Variants in TLL1 observed in about 807,000 individuals in gnomAD.
TLL1 encodes tolloid-like protein 1.
A neutral mutation model predicts 128.2 loss-of-function variants in TLL1; 49 were observed. That is an observed-to-expected ratio of 0.38 (90% CI 0.30 to 0.48). TLL1 has a LOEUF of 0.48. Ranked by LOEUF, TLL1 falls within the 20% of genes least tolerant of loss-of-function variation. TLL1 has a pLI of 0.96. For missense variants in TLL1, 1,123 were observed against 1,242.0 expected (o/e 0.90, Z 1.44); for synonymous variants, 454 against 418.8 (o/e 1.08, Z -1.03).
chr4:165,915,692 G>C (rs1732746854), intron 1 of TLL1, among the ~76,000 whole-genome samples: 2 of 152,268 alleles, frequency 1.3e-5, no homozygotes, highest in Admixed American at 1.3e-4. Flanking sequence ...AAAGGGTACA[G>C]CTTATGTTAA....
At chr4:165,877,397 G>C (rs1205751646) in intron 1 of TLL1, among the ~76,000 whole-genome samples, 1 of 151,446 alleles carries the variant, frequency 6.6e-6, no homozygotes, top group Admixed American at 6.6e-5. Context: ...ATGAATATCT[G>C]TCTGTCTTTC....
chr4:166,002,226 G>C (rs1737201889), intron 5 of TLL1, among the ~76,000 whole-genome samples: 2 of 152,034 alleles, frequency 1.3e-5, no homozygotes, highest in Non-Finnish European at 2.9e-5. Context: ...GCTCTCTGGG[G>C]CCTTTTTATA....
rs754971382 is a variant in TLL1, at chr4:165,918,680, C to T, written c.169+44607C>T. ...AATAGCATCTTGGTCTCCTCTTACA[C>T]GGTGGTTTCTCCCCTCTCCCACGAT... On this transcript the variant is annotated intron_variant, in intron 1 of 20. Coordinates refer to ENST00000061240, the MANE Select transcript of TLL1 (RefSeq NM_012464.5). Among the ~76,000 whole-genome samples, 128 of 152,148 alleles carry T rather than the reference C, an allele frequency of 8.4e-4. 1 individual carries two copies. Among genetic ancestry groups the T allele is most frequent in the African/African-American group, 2.9e-3 (122 of 41,504 alleles).
chr4:165,951,251 T>G (rs1053903423), intron 1 of TLL1, among the ~76,000 whole-genome samples: 1 of 152,098 alleles, frequency 6.6e-6, no homozygotes, highest in African/African-American at 2.4e-5. Context: ...AATTACTGTT[T>G]AAAATCTTAC....
intron 16 of TLL1, among the ~76,000 whole-genome samples, chr4:166,071,576 A>T (rs556285998): frequency 6.6e-6 from 1 of 151,998 alleles, no homozygotes; most frequent in African/African-American, 2.4e-5. Flanking sequence ...AGAAATTTCA[A>T]TTATTAAATG....
intron 5 of TLL1, among the ~76,000 whole-genome samples, chr4:165,997,970 G>A (rs1440483747): frequency 6.6e-6 from 1 of 152,128 alleles, no homozygotes; most frequent in Non-Finnish European, 1.5e-5. Flanking sequence ...TTTGCATTTA[G>A]TACAACAGTA....
intron 12 of TLL1, among the ~76,000 whole-genome samples, chr4:166,044,912 A>G (rs1739394830): frequency 6.6e-6 from 1 of 152,230 alleles, no homozygotes; most frequent in African/African-American, 2.4e-5. Context: ...TGATGCATGA[A>G]GTTGCTACCT....
chr4:166,031,876 G>C (rs1324877813), intron 9 of TLL1, among the ~76,000 whole-genome samples: 2 of 152,048 alleles, frequency 1.3e-5, no homozygotes, highest in Non-Finnish European at 2.9e-5. Context: ...AAAAAACCTA[G>C]TATTTCTTGA....
At chr4:166,076,161 C>T (rs1741013972) in intron 17 of TLL1, among the ~76,000 whole-genome samples, 1 of 152,084 alleles carries the variant, frequency 6.6e-6, no homozygotes, top group South Asian at 2.1e-4. Flanking sequence ...CAGCCTTGAC[C>T]TCCCAGGCTT....
chr4:166,031,047 A>C (rs1198923720), intron 9 of TLL1: 11 of 876,216 alleles, frequency 1.3e-5, no homozygotes, highest in African/African-American at 3.7e-5. Context: ...TAATAAGTTA[A>C]TACCCATGTA....
intron 8 of TLL1, among the ~76,000 whole-genome samples, chr4:166,020,932 T>C (rs1363721216): frequency 2.0e-5 from 3 of 152,222 alleles, no homozygotes; most frequent in Non-Finnish European, 2.9e-5. Flanking sequence ...CAAGTGTTTC[T>C]ACTTTTAATA....
At chr4:165,883,644 T>A (rs1214327972) in intron 1 of TLL1, among the ~76,000 whole-genome samples, 3 of 152,194 alleles carry the variant, frequency 2.0e-5, no homozygotes, top group Non-Finnish European at 2.9e-5. Context: ...ATATATAAGA[T>A]GTGGAGGATT....
intron 18 of TLL1, among the ~76,000 whole-genome samples, chr4:166,088,273 A>T (rs947940976): frequency 6.6e-6 from 1 of 152,070 alleles, no homozygotes; most frequent in Non-Finnish European, 1.5e-5. Context: ...TATTATTTAG[A>T]TATTGAGATT....
At chr4:166,071,079 G>A (rs905807470) in intron 16 of TLL1, among the ~76,000 whole-genome samples, 3 of 151,906 alleles carry the variant, frequency 2.0e-5, no homozygotes, top group Non-Finnish European at 4.4e-5. Flanking sequence ...TGTGTGTGCT[G>A]TGCATGTGTC....
chr4:165,946,342 C>G (rs1385590368), intron 1 of TLL1, among the ~76,000 whole-genome samples: 1 of 151,014 alleles, frequency 6.6e-6, no homozygotes, highest in African/African-American at 2.5e-5. Context: ...ATTTGTCATT[C>G]CTTTTTTTTT....
intron 8 of TLL1, among the ~76,000 whole-genome samples, chr4:166,015,042 C>A (rs998304328): frequency 2.0e-5 from 3 of 151,718 alleles, no homozygotes; most frequent in Non-Finnish European, 2.9e-5. Flanking sequence ...ATGTTCTAAC[C>A]GGTTGCAAGT....
At chr4:166,090,990 C>T in intron 18 of TLL1, 138 bp from the exon 19 acceptor site, 1 of 640,972 alleles carries the variant, frequency 1.6e-6, no homozygotes, top group Non-Finnish European at 2.6e-6. Flanking sequence ...TTTCACCTTT[C>T]TTAATTATGC....
chr4:166,078,177 C>A, intron 18 of TLL1, 147 bp downstream of exon 18: 1 of 1,265,484 alleles, frequency 7.9e-7, no homozygotes, highest in Non-Finnish European at 1.1e-6. Context: ...TTCCTACTTG[C>A]ACTAAAATCC....
At chr4:165,878,422 G>A (rs1730817952) in intron 1 of TLL1, among the ~76,000 whole-genome samples, 1 of 151,290 alleles carries the variant, frequency 6.6e-6, no homozygotes, top group Non-Finnish European at 1.5e-5. Flanking sequence ...AAAATACAGT[G>A]TTTGCAGAAG....
Sources: gnomAD v4.1 joint callset for allele counts (sites outside exome capture counted in the v4.1 genomes callset) on GRCh38, gnomAD v4.1.1 for gene constraint, MANE v1.5 for transcripts, NCBI Gene and HGNC (gene_info 2026-07-23, HGNC 2026-07-21) for gene names.